Variants in CDC14A observed in about 807,000 individuals in gnomAD.
CDC14A encodes the protein dual specificity protein phosphatase CDC14A.
A neutral mutation model predicts 74.4 loss-of-function variants in CDC14A; 53 were observed. The ratio of observed to expected loss-of-function variants is 0.71; its 90% CI spans 0.57 to 0.89. The LOEUF (loss-of-function observed/expected upper bound fraction) is 0.89, where lower values mean the gene tolerates loss of function less well. Among genes scored for constraint, CDC14A ranks in the 40% least tolerant of loss-of-function variants. The pLI, the probability that CDC14A is intolerant of heterozygous loss-of-function variation, is 0.00. For synonymous variants in CDC14A, 247 were observed against 258.4 expected, an observed-to-expected ratio of 0.96 and a Z score of 0.43; for missense variants, 646 against 713.7, an observed-to-expected ratio of 0.91 and a Z score of 1.08.
At chr1:100,445,305 G>T (rs1288286770) in intron 7 of CDC14A, among the ~76,000 whole-genome samples, 1 of 152,096 alleles carries the variant, frequency 6.6e-6, no homozygotes, top group African/African-American at 2.4e-5. Context: ...ATTTTAGAGA[G>T]CCTCACCCCC....
chr1:100,432,516 C>T (rs953699008), intron 5 of CDC14A, among the ~76,000 whole-genome samples: 16 of 152,058 alleles, frequency 1.1e-4, no homozygotes, highest in African/African-American at 2.4e-4. Flanking sequence ...GTATAAAAGG[C>T]GGGGTGTGGT....
intron 3 of CDC14A, among the ~76,000 whole-genome samples, chr1:100,379,736 G>T (rs1655810003): frequency 6.6e-6 from 1 of 152,170 alleles, no homozygotes; most frequent in Non-Finnish European, 1.5e-5. Context: ...GGTTCCACAG[G>T]CTGTACATGA....
chr1:100,458,016 T>C (rs1477647400), intron 8 of CDC14A, among the ~76,000 whole-genome samples: 2 of 152,202 alleles, frequency 1.3e-5, no homozygotes, highest in Non-Finnish European at 2.9e-5. Flanking sequence ...TTTAAAACAA[T>C]TTTTGGTCCT....
At chr1:100,419,997 AAT>A (rs1200520073) in intron 4 of CDC14A, among the ~76,000 whole-genome samples, 19 of 117,292 alleles carry the variant, frequency 1.6e-4, no homozygotes, top group South Asian at 7.8e-4. Flanking sequence ...TTCACTTTTA[AAT>A]ATATATATAT....
chr1:100,461,598 T>C (rs1003923017), intron 8 of CDC14A, among the ~76,000 whole-genome samples: 2 of 152,194 alleles, frequency 1.3e-5, no homozygotes, highest in Admixed American at 1.3e-4. Flanking sequence ...GGAGCTGCCA[T>C]TGCAAGGCCT....
chr1:100,495,179 G>A (rs1647595998), intron 12 of CDC14A, among the ~76,000 whole-genome samples: 1 of 152,152 alleles, frequency 6.6e-6, no homozygotes, highest in Non-Finnish European at 1.5e-5. Flanking sequence ...GTTATCTCTG[G>A]GACTCTGTTT....
chr1:100,462,923 GGGGC>G, intron 9 of CDC14A, 42 bp downstream of exon 9: 1 of 1,475,116 alleles, frequency 6.8e-7, no homozygotes. Context: ...GCTTATCGAA[GGGGC>G]GGGCCAAGGA....
At chr1:100,393,954 C>A (rs1658097928) in intron 4 of CDC14A, 1 of 202,562 alleles carries the variant, frequency 4.9e-6, no homozygotes, top group South Asian at 7.2e-5. Flanking sequence ...CTCCCCACCG[C>A]AAAAAAAAAT....
chr1:100,398,577 A>G (rs61811383), intron 4 of CDC14A, among the ~76,000 whole-genome samples: 2,835 of 152,322 alleles, frequency 0.019, 81 homozygotes, highest in South Asian at 0.13. Context: ...ATCTTTGTTT[A>G]GCTACTATGA....
At position 100,412,696 on chromosome 1, in the gene CDC14A, TTATA is replaced by T. The variant is rs139550432; in HGVS notation, c.310-11502_310-11499del. Among the ~76,000 whole-genome samples, 155 of 74,042 alleles carry T rather than the reference TTATA, an allele frequency of 2.1e-3. 1 individual carries two copies. Among genetic ancestry groups the T allele is most frequent in the African/African-American group, 0.013 (110 of 8,610 alleles). 48.6% of individuals were successfully genotyped at this position (74,042 alleles called of 152,430 possible). On this transcript the variant is annotated intron_variant, in intron 4 of 15. Transcript: ENST00000336454. Reference sequence around the variant, plus strand: ...AAGGTGGGTGAACTTCCTGTATGTTTTATATATATATATATATATATATATATTT... The same window carrying T: ...AAGGTGGGTGAACTTCCTGTATGTTTTATATATATATATATATATATATTT...
chr1:100,419,459 C>G (rs778953922), intron 4 of CDC14A, among the ~76,000 whole-genome samples: 2 of 152,204 alleles, frequency 1.3e-5, no homozygotes, highest in Non-Finnish European at 2.9e-5. Flanking sequence ...CTGCCCACCC[C>G]CATCCTCAAT....
intron 11 of CDC14A, among the ~76,000 whole-genome samples, chr1:100,488,307 G>A (rs1274269217): frequency 3.9e-5 from 6 of 152,008 alleles, no homozygotes; most frequent in Admixed American, 2.0e-4. Flanking sequence ...CTGTTACTAG[G>A]CCCATTTACA....
intron 2 of CDC14A, among the ~76,000 whole-genome samples, chr1:100,354,746 G>A (rs967084448): frequency 1.3e-5 from 2 of 152,210 alleles, no homozygotes; most frequent in Non-Finnish European, 2.9e-5. Context: ...TAAATTACTT[G>A]TTATCTTTAC....
intron 2 of CDC14A, among the ~76,000 whole-genome samples, chr1:100,376,210 G>A (rs1186889291): frequency 6.6e-6 from 1 of 152,112 alleles, no homozygotes; most frequent in African/African-American, 2.4e-5. Context: ...TAAATGCTGA[G>A]TTAATAGGTG....
intron 11 of CDC14A, chr1:100,485,395 C>A: frequency 1.2e-6 from 1 of 821,720 alleles, no homozygotes; most frequent in Non-Finnish European, 1.5e-6. Flanking sequence ...AAAAAAAGGA[C>A]CTGTTCAAAA....
At chr1:100,455,304 T>G (rs1666569393) in intron 7 of CDC14A, 101 bp from the exon 8 acceptor site, 4 of 707,096 alleles carry the variant, frequency 5.7e-6, no homozygotes, top group Non-Finnish European at 9.7e-6. Flanking sequence ...GTATGTCTAA[T>G]TAGTACTAAG....
chr1:100,453,691 G>A (rs1052063784), intron 7 of CDC14A, among the ~76,000 whole-genome samples: 1 of 152,178 alleles, frequency 6.6e-6, no homozygotes, highest in South Asian at 2.1e-4. Flanking sequence ...CCAAGCTGGA[G>A]TGCAATGGTG....
intron 4 of CDC14A, among the ~76,000 whole-genome samples, chr1:100,417,059 G>T (rs968703422): frequency 6.6e-6 from 1 of 152,182 alleles, no homozygotes; most frequent in Non-Finnish European, 1.5e-5. Context: ...AGCCTACTTG[G>T]GGAGACAGGC....
chr1:100,496,250 C>A (rs1232750564), intron 13 of CDC14A, among the ~76,000 whole-genome samples: 1 of 151,636 alleles, frequency 6.6e-6, no homozygotes, highest in Admixed American at 6.6e-5. Flanking sequence ...CTGGCATGCC[C>A]ACAGGACTGT....
Sources: gnomAD v4.1 joint callset for allele counts (sites outside exome capture counted in the v4.1 genomes callset) on GRCh38, gnomAD v4.1.1 for gene constraint, MANE v1.5 for transcripts, NCBI Gene and HGNC (gene_info 2026-07-23, HGNC 2026-07-21) for gene names.